Variants in BASP1 observed in about 807,000 individuals in gnomAD.
BASP1 encodes the protein brain abundant membrane attached signal protein 1, also known as brain acid soluble protein 1.
Under a neutral mutation model 2.2 loss-of-function variants are expected in BASP1, and 1 was observed. That is an observed-to-expected ratio of 0.46 (90% CI 0.16 to 2.17). BASP1 has a LOEUF of 2.17. Ranked by LOEUF, BASP1 falls within the 30% of genes most tolerant of loss-of-function variation. BASP1 has a pLI of 0.27. For missense variants in BASP1, 352 were observed against 327.2 expected, an observed-to-expected ratio of 1.08 and a Z score of -0.58; for synonymous variants, 187 against 154.2, an observed-to-expected ratio of 1.21 and a Z score of -1.58.
chr5:17,274,292 C>A (rs1323329113), intron 1 of BASP1, among the ~76,000 whole-genome samples: 1 of 152,092 alleles, frequency 6.6e-6, no homozygotes, highest in African/African-American at 2.4e-5. Flanking sequence ...TCAGACACAG[C>A]CAGCAAGAGA....
At chr5:17,217,890 C>T (rs904572373) in intron 1 of BASP1, 80 bp downstream of exon 1, 1 of 151,994 alleles carries the variant, frequency 6.6e-6, no homozygotes, top group African/African-American at 2.4e-5. Context: ...CCCCGCCCCG[C>T]AGCCCCCGGG....
intron 1 of BASP1, among the ~76,000 whole-genome samples, chr5:17,257,167 T>C (rs1306969713): frequency 1.3e-5 from 2 of 152,226 alleles, no homozygotes; most frequent in African/African-American, 4.8e-5. Context: ...TTTGTATTCC[T>C]GGATGGCATT....
intron 1 of BASP1, among the ~76,000 whole-genome samples, chr5:17,220,692 C>T (rs966600182): frequency 6.6e-6 from 1 of 152,166 alleles, no homozygotes; most frequent in Admixed American, 6.5e-5. Context: ...GTTTAAAGGT[C>T]CAATGGGAGA....
intron 1 of BASP1, among the ~76,000 whole-genome samples, chr5:17,274,935 G>A (rs549356728): frequency 6.0e-4 from 92 of 152,226 alleles, no homozygotes; most frequent in African/African-American, 2.0e-3. Flanking sequence ...AGGCTGAGGC[G>A]GGAGGATCCC....
At position 17,251,784 on chromosome 5, in the gene BASP1, G is replaced by A. The variant is rs10075060; in HGVS notation, c.-9-23424G>A. On this transcript the variant is annotated intron_variant, in intron 1 of 1. Transcript: ENST00000322611. This position sits in a 1 kb window ranked among gnomAD's most constrained non-coding sequence, Gnocchi z 4.0. Reference sequence around the variant, plus strand: ...GGGGTGGATGTGGTTCTAATCTCTTGGGAGGGAGCAGAGGAGAAAGAAGGT... The same window carrying A: ...GGGGTGGATGTGGTTCTAATCTCTTAGGAGGGAGCAGAGGAGAAAGAAGGT... Among the ~76,000 whole-genome samples, 2,185 of 152,282 alleles carry A rather than the reference G, an allele frequency of 0.014. 60 individuals carry two copies. Among genetic ancestry groups the A allele is most frequent in the African/African-American group, 0.048 (2,012 of 41,534 alleles).
chr5:17,270,724 A>C (rs987852791), intron 1 of BASP1, among the ~76,000 whole-genome samples: 3 of 152,262 alleles, frequency 2.0e-5, no homozygotes, highest in Admixed American at 2.0e-4. Context: ...AGAATTATCT[A>C]AGAATTTTCA....
chr5:17,235,665 G>A (rs1739728255), intron 1 of BASP1, among the ~76,000 whole-genome samples: 1 of 152,152 alleles, frequency 6.6e-6, no homozygotes, highest in Admixed American at 6.5e-5. Flanking sequence ...CTCCTGAGTT[G>A]CAAATAGCTT....
chr5:17,270,105 A>T (rs1740500172), intron 1 of BASP1, among the ~76,000 whole-genome samples: 1 of 152,114 alleles, frequency 6.6e-6, no homozygotes, highest in African/African-American at 2.4e-5. Context: ...GGTTCAAGCG[A>T]TTCTCCTGCC....
At chr5:17,249,546 C>CT (rs892617545) in intron 1 of BASP1, among the ~76,000 whole-genome samples, 62 of 152,202 alleles carry the variant, frequency 4.1e-4, no homozygotes, top group African/African-American at 1.4e-3. Context: ...CTGGCATACA[C>CT]TTTTTTTAAC....
chr5:17,260,836 C>T lies in BASP1; in HGVS notation c.-9-14372C>T, dbSNP rs1209343128. Among the ~76,000 whole-genome samples, 1 of 152,136 alleles carries T rather than the reference C, an allele frequency of 6.6e-6. No individual in the cohort carries two copies. The highest frequency in any genetic ancestry group is 2.4e-5 in the African/African-American group (1 of 41,430). ...CAAGATTCAAGTGAAGTCAGGCAAG[C>T]CTATTTTACTGCTAAAACTTTGAAC... is the stretch of plus-strand genomic sequence containing the variant. On this transcript the variant is annotated intron_variant, in intron 1 of 1. Coordinates refer to ENST00000322611, the MANE Select transcript of BASP1 (RefSeq NM_006317.5). This position sits in a 1 kb window ranked among gnomAD's most constrained non-coding sequence, Gnocchi z 4.2.
chr5:17,224,197 A>G (rs1739447380), intron 1 of BASP1, among the ~76,000 whole-genome samples: 2 of 152,226 alleles, frequency 1.3e-5, no homozygotes, highest in South Asian at 2.1e-4. Context: ...TTGTTGAGCA[A>G]AGGTGAATTC....
In BASP1 at chr5:17,274,745, C is replaced by T. The variant is rs564773452; in HGVS notation, c.-9-463C>T. ...ACAACTGAGCTCCTTAATTTCTTTT[C>T]GTGACACATTGTTTTAAAAACTCAT... On this transcript the variant is annotated intron_variant, in intron 1 of 1. Coordinates refer to ENST00000322611, the MANE Select transcript of BASP1 (RefSeq NM_006317.5). 2.3e-3 allele frequency among the ~76,000 whole-genome samples: 346 copies of T among 152,294 alleles called. 1 individual carries two copies. The highest frequency in any genetic ancestry group is 3.0e-3 in the Non-Finnish European group (205 of 68,014).
intron 1 of BASP1, among the ~76,000 whole-genome samples, chr5:17,235,264 C>CTT (rs70943880): frequency 0.025 from 3,509 of 141,842 alleles, 137 homozygotes; most frequent in Admixed American, 0.089. Flanking sequence ...TTATGTTTTT[C>CTT]TTTTTTTTTT....
In BASP1 at chr5:17,251,469, A is replaced by C. The variant is rs1364559285; in HGVS notation, c.-9-23739A>C. On this transcript the variant is annotated intron_variant, in intron 1 of 1. Coordinates refer to ENST00000322611, the MANE Select transcript of BASP1 (RefSeq NM_006317.5). This position sits in a 1 kb window ranked among gnomAD's most constrained non-coding sequence, Gnocchi z 4.0. ...TATATGTTAAAAAGATTTCAGACTCATCTCTCAGCTCTTCCTTCCACAGTG... is the reference window on the plus strand; with the variant it reads ...TATATGTTAAAAAGATTTCAGACTCCTCTCTCAGCTCTTCCTTCCACAGTG... 6.6e-6 allele frequency among the ~76,000 whole-genome samples: 1 copy of C among 152,210 alleles called. No individual in the cohort carries two copies. The highest frequency in any genetic ancestry group is 6.5e-5 in the Admixed American group (1 of 15,286).
At chr5:17,238,024 G>A (rs1480689240) in intron 1 of BASP1, among the ~76,000 whole-genome samples, 6 of 151,758 alleles carry the variant, frequency 4.0e-5, no homozygotes, top group Non-Finnish European at 7.4e-5. Flanking sequence ...CTTATTTGGG[G>A]GATTCTTGTT....
chr5:17,260,167 T>C lies in BASP1; in HGVS notation c.-9-15041T>C, dbSNP rs948763194. 2.6e-5 allele frequency among the ~76,000 whole-genome samples: 4 copies of C among 152,232 alleles called. No homozygotes were observed. The highest frequency in any genetic ancestry group is 9.6e-5 in the African/African-American group (4 of 41,466). On this transcript the variant is annotated intron_variant, in intron 1 of 1. Transcript: ENST00000322611. This position sits in a 1 kb window ranked among gnomAD's most constrained non-coding sequence, Gnocchi z 4.2. ...AACACACAGCAGACTCTAAAAAGCATATTAGACTATTGACGAGAATGAATA... is the reference window on the plus strand; with the variant it reads ...AACACACAGCAGACTCTAAAAAGCACATTAGACTATTGACGAGAATGAATA...
Position 17,260,972 on chromosome 5 carries a change from G to T in BASP1, c.-9-14236G>T, listed in dbSNP as rs955988942. 1.3e-5 allele frequency among the ~76,000 whole-genome samples: 2 copies of T among 152,110 alleles called. No homozygotes were observed. Among genetic ancestry groups the T allele is most frequent in the South Asian group, 4.1e-4 (2 of 4,822 alleles). On this transcript the variant is annotated intron_variant, in intron 1 of 1. Coordinates refer to ENST00000322611, the MANE Select transcript of BASP1 (RefSeq NM_006317.5). The surrounding 1 kb of genome is among the most constrained non-coding windows in gnomAD (Gnocchi z 4.2). ...GGGAGGATTGATTGCTTGAGCTCAGGAGTTAAAGACTAGCCTGGGAAATAT... is the reference window on the plus strand; with the variant it reads ...GGGAGGATTGATTGCTTGAGCTCAGTAGTTAAAGACTAGCCTGGGAAATAT...
chr5:17,261,759 A>G (rs1361264198), intron 1 of BASP1, among the ~76,000 whole-genome samples: 1 of 152,158 alleles, frequency 6.6e-6, no homozygotes, highest in Admixed American at 6.5e-5. Context: ...GTCTCATCCT[A>G]TCTTCCCATA....
intron 1 of BASP1, among the ~76,000 whole-genome samples, chr5:17,226,435 G>C (rs1215914918): frequency 6.6e-6 from 1 of 152,136 alleles, no homozygotes; most frequent in Non-Finnish European, 1.5e-5. Flanking sequence ...TTACCACGTA[G>C]ACTAATACAA....
Sources: gnomAD v4.1 joint callset for allele counts (sites outside exome capture counted in the v4.1 genomes callset) on GRCh38, gnomAD v4.1.1 for gene constraint, Gnocchi (gnomAD v3.1) non-coding constraint, MANE v1.5 for transcripts, NCBI Gene and HGNC (gene_info 2026-07-23, HGNC 2026-07-21) for gene names.